Variants in MAGI3 observed in about 807,000 individuals in gnomAD.
The protein encoded by MAGI3 is membrane-associated guanylate kinase, WW and PDZ domain-containing protein 3.
A neutral mutation model predicts 121.8 loss-of-function variants in MAGI3; 43 were observed. That is an observed-to-expected ratio of 0.35 (90% confidence interval 0.28 to 0.46). MAGI3 has a LOEUF of 0.46. Among genes scored for constraint, MAGI3 ranks in the 20% least tolerant of loss-of-function variants. The pLI is 1.00. For missense variants in MAGI3, 1,547 were observed against 1,797.3 expected (o/e 0.86, Z 2.52); for synonymous variants, 553 against 639.3 (o/e 0.86, Z 2.04).
chr1:113,490,519 A>G (rs939341647), intron 1 of MAGI3, among the ~76,000 whole-genome samples: 1 of 152,242 alleles, frequency 6.6e-6, no homozygotes, highest in African/African-American at 2.4e-5. Flanking sequence ...TCAGATCCAA[A>G]CATACTAATA....
At chr1:113,534,427 T>C (rs1270855905) in intron 1 of MAGI3, among the ~76,000 whole-genome samples, 1 of 152,142 alleles carries the variant, frequency 6.6e-6, no homozygotes, top group Non-Finnish European at 1.5e-5. Context: ...CGGCCTTGCC[T>C]TTCCTTCCAT....
chr1:113,494,256 C>T (rs1366214393), intron 1 of MAGI3, among the ~76,000 whole-genome samples: 1 of 152,074 alleles, frequency 6.6e-6, no homozygotes, highest in Non-Finnish European at 1.5e-5. Context: ...CAAACAAACA[C>T]AGGAACAGAA....
chr1:113,451,492 C>A (rs1654481802), intron 1 of MAGI3, among the ~76,000 whole-genome samples: 1 of 152,184 alleles, frequency 6.6e-6, no homozygotes, highest in Non-Finnish European at 1.5e-5. Flanking sequence ...TCACCCTTCT[C>A]ATTTATGGTA....
At chr1:113,521,406 GTTTT>G (rs1189784089) in intron 1 of MAGI3, among the ~76,000 whole-genome samples, 1 of 116,736 alleles carries the variant, frequency 8.6e-6, no homozygotes, top group African/African-American at 3.1e-5. Context: ...GTTTTTTTTT[GTTTT>G]TTGTTTTTTG....
In MAGI3 at chr1:113,529,931, G is replaced by GT. The variant is rs1340532445; in HGVS notation, c.317-19577dup. Among the ~76,000 whole-genome samples the GT allele has an allele frequency of 5.3e-5, 8 of 151,922 alleles. No homozygotes were observed. In the East Asian group the frequency reaches 9.7e-4, roughly 18 times the overall value. ...AAATTCATCTTAAGTTTTTCTATTT[G>GT]TTTTTTTAAAAAACTTCTGAAAGTT... On this transcript the variant is annotated intron_variant, in intron 1 of 20. Transcript: ENST00000307546.
chr1:113,419,558 G>T (rs962523997), intron 1 of MAGI3, among the ~76,000 whole-genome samples: 2 of 152,168 alleles, frequency 1.3e-5, no homozygotes, highest in African/African-American at 2.4e-5. Context: ...TGGGCTGGGG[G>T]TGTAGAGTGC....
intron 1 of MAGI3, among the ~76,000 whole-genome samples, chr1:113,508,922 A>C (rs1475058440): frequency 6.6e-6 from 1 of 152,106 alleles, no homozygotes; most frequent in East Asian, 1.9e-4. Flanking sequence ...TGGAGAAAAT[A>C]TTTTCCTTGA....
At chr1:113,517,384 A>T (rs1276232710) in intron 1 of MAGI3, among the ~76,000 whole-genome samples, 1 of 151,842 alleles carries the variant, frequency 6.6e-6, no homozygotes, top group Non-Finnish European at 1.5e-5. Flanking sequence ...AGGGAGCAAA[A>T]TTTCACCTAG....
chr1:113,450,200 C>T (rs1654406477), intron 1 of MAGI3: 2 of 1,570,076 alleles, frequency 1.3e-6, no homozygotes, highest in Non-Finnish European at 8.7e-7. Context: ...AAATACCACA[C>T]TATTAATGGG....
At chr1:113,671,322 G>T (rs1009009809) in intron 16 of MAGI3, among the ~76,000 whole-genome samples, 2 of 152,122 alleles carry the variant, frequency 1.3e-5, no homozygotes, top group African/African-American at 4.8e-5. Context: ...TGGCCTCCGT[G>T]TTCCAGCATT....
At chr1:113,611,263 T>A (rs1044347072) in intron 6 of MAGI3, among the ~76,000 whole-genome samples, 5 of 151,990 alleles carry the variant, frequency 3.3e-5, no homozygotes, top group African/African-American at 1.2e-4. Context: ...ATTTTTGTAT[T>A]TTTAGTAGAG....
At chr1:113,591,664 T>C (rs1648699322) in intron 5 of MAGI3, among the ~76,000 whole-genome samples, 1 of 152,194 alleles carries the variant, frequency 6.6e-6, no homozygotes, top group Non-Finnish European at 1.5e-5. Flanking sequence ...ACCACAATTA[T>C]ACAAAGCAGG....
intron 16 of MAGI3, among the ~76,000 whole-genome samples, chr1:113,664,805 A>G (rs1361077631): frequency 6.6e-6 from 1 of 152,182 alleles, no homozygotes; most frequent in Admixed American, 6.5e-5. Context: ...GAATTTCAGC[A>G]TCTCTTCATA....
intron 1 of MAGI3, among the ~76,000 whole-genome samples, chr1:113,464,314 A>G (rs1325968643): frequency 6.6e-6 from 1 of 152,134 alleles, no homozygotes; most frequent in Non-Finnish European, 1.5e-5. Flanking sequence ...CCACATTGCT[A>G]CAAATGACAG....
chr1:113,627,452 G>C (rs1005052960), intron 9 of MAGI3, among the ~76,000 whole-genome samples: 2 of 151,704 alleles, frequency 1.3e-5, no homozygotes, highest in African/African-American at 2.4e-5. Flanking sequence ...GTAGTCTATA[G>C]TGCAGATTAG....
intron 1 of MAGI3, among the ~76,000 whole-genome samples, chr1:113,473,427 C>A (rs1409645783): frequency 6.8e-6 from 1 of 147,262 alleles, no homozygotes; most frequent in Middle Eastern, 3.2e-3. Context: ...CCCCCCACCC[C>A]CTGACAGGCC....
At position 113,676,726 on chromosome 1, in the gene MAGI3, C is replaced by T. The variant is rs1647889407; in HGVS notation, c.3189+3261C>T. The stretch of plus-strand genomic sequence containing the variant: ...AGTTTATCTCTAGCTGACACTCGCA[C>T]CACGGAGCCACCTGAGTGCCCCTCT... On this transcript the variant is annotated intron_variant, in intron 19 of 20. Coordinates refer to ENST00000307546, the MANE Select transcript of MAGI3 (RefSeq NM_001142782.2). Among the ~76,000 whole-genome samples the T allele has an allele frequency of 2.0e-5, 3 of 152,130 alleles. No homozygotes were observed. The South Asian group carries it at 6.2e-4, about 32-fold the overall frequency.
chr1:113,416,333 T>G (rs1463302794), intron 1 of MAGI3, among the ~76,000 whole-genome samples: 2 of 38,010 alleles, frequency 5.3e-5, no homozygotes, highest in South Asian at 9.2e-4. Flanking sequence ...TAATTATATA[T>G]CAATCATATA....
chr1:113,515,313 A>G (rs1343197399), intron 1 of MAGI3, among the ~76,000 whole-genome samples: 2 of 152,128 alleles, frequency 1.3e-5, no homozygotes, highest in African/African-American at 4.8e-5. Context: ...TCTGTAAACT[A>G]GTAGCATGGC....
Sources: allele counts gnomAD v4.1 joint callset (sites outside exome capture counted in the v4.1 genomes callset), GRCh38; gene constraint gnomAD v4.1.1; transcripts MANE v1.5; gene names NCBI Gene and HGNC (gene_info 2026-07-23, HGNC 2026-07-21).